SLC1A2: variants seen among roughly 807,000 people sequenced by gnomAD.
SLC1A2 encodes solute carrier family 1 member 2.
In SLC1A2, 15 loss-of-function variants were observed where a neutral mutation model predicts 48.8. That is an observed-to-expected ratio of 0.31 (90% confidence interval 0.21 to 0.47). SLC1A2 has a LOEUF of 0.47. Ranked by LOEUF, SLC1A2 falls within the 20% of genes least tolerant of loss-of-function variation. The pLI, the probability that SLC1A2 is intolerant of heterozygous loss-of-function variation, is 0.99. For missense variants in SLC1A2, 502 were observed against 730.5 expected (o/e 0.69, Z 3.61); for synonymous variants, 279 against 272.6 (o/e 1.02, Z -0.23).
chr11:35,402,244 C>A (rs994435563), intron 1 of SLC1A2, among the ~76,000 whole-genome samples: 2 of 152,132 alleles, frequency 1.3e-5, no homozygotes, highest in African/African-American at 2.4e-5. Context: ...AGGATTAGAA[C>A]TTTCAGTGCC....
At chr11:35,388,513 A>G (rs920438022) in intron 1 of SLC1A2, among the ~76,000 whole-genome samples, 4 of 152,130 alleles carry the variant, frequency 2.6e-5, no homozygotes, top group Admixed American at 6.6e-5. Context: ...TCCTGCCCCA[A>G]TCTCCAAGTA....
At position 35,253,420 on chromosome 11, in the gene SLC1A2, C is replaced by T. The variant is rs1214429525; in HGVS notation, c.*7474G>A. On this transcript the variant is annotated 3_prime_UTR_variant, in exon 11 of 11. Coordinates refer to ENST00000278379, the MANE Select transcript of SLC1A2 (RefSeq NM_004171.4). ...CTCAAAGTTTTCCTAAGCCAATTTC[C>T]ACATAAACCTTTAGGAATGTATGAA... The T allele has an allele frequency of 6.6e-6, 1 of 152,584 alleles. No individual in the cohort carries two copies. The highest frequency in any genetic ancestry group is 6.5e-5 in the Admixed American group (1 of 15,270). The allele number at this position is 152,584 out of a possible 1,614,324, so 9.5% of individuals were successfully genotyped here.
At chr11:35,390,050 T>C (rs1050134215) in intron 1 of SLC1A2, among the ~76,000 whole-genome samples, 1 of 152,258 alleles carries the variant, frequency 6.6e-6, no homozygotes, top group Non-Finnish European at 1.5e-5. Context: ...ATGGTCACTA[T>C]GACATTTAGC....
At chr11:35,265,848 T>G in intron 9 of SLC1A2, 90 bp from the exon 10 acceptor site, 1 of 760,644 alleles carries the variant, frequency 1.3e-6, no homozygotes, top group Non-Finnish European at 2.2e-6. Flanking sequence ...AGACATAGGG[T>G]TGAGTACTGG....
chr11:35,267,649 T>C (rs1410781452), intron 9 of SLC1A2, among the ~76,000 whole-genome samples: 2 of 152,206 alleles, frequency 1.3e-5, no homozygotes, highest in Non-Finnish European at 1.5e-5. Flanking sequence ...TTGTCCGTTA[T>C]ACAGTTGTGG....
At position 35,321,274 on chromosome 11, in the gene SLC1A2, G is replaced by A. The variant is rs1852057768; in HGVS notation, c.18-3758C>T. 2.0e-5 allele frequency among the ~76,000 whole-genome samples: 3 copies of A among 152,130 alleles called. No individual in the cohort carries two copies. The South Asian group carries it at 6.2e-4, about 32-fold the overall frequency. On this transcript the variant is annotated intron_variant, in intron 1 of 10. Transcript: ENST00000278379. ...TTATGGGAGCTCCAATTCAAGATGA[G>A]ATTTGGGTGGGAACACAGCCAAACC...
chr11:35,314,785 C>CTTT (rs5791048), intron 3 of SLC1A2, among the ~76,000 whole-genome samples: 7 of 141,042 alleles, frequency 5.0e-5, no homozygotes, highest in African/African-American at 1.3e-4. Flanking sequence ...CTTTTCTTTT[C>CTTT]TTTTTTTTTT....
chr11:35,388,593 C>T (rs1423885426), intron 1 of SLC1A2, among the ~76,000 whole-genome samples: 1 of 152,150 alleles, frequency 6.6e-6, no homozygotes, highest in Non-Finnish European at 1.5e-5. Flanking sequence ...CAAAGTCTCC[C>T]TATGTTGCCC....
chr11:35,297,844 G>A (rs1003842557), intron 6 of SLC1A2: 1 of 152,178 alleles, frequency 6.6e-6, no homozygotes, highest in Non-Finnish European at 1.5e-5. Context: ...ACAGTTCCCA[G>A]CACAAAGAAG....
chr11:35,404,070 C>G (rs958464067), intron 1 of SLC1A2, among the ~76,000 whole-genome samples: 1 of 151,874 alleles, frequency 6.6e-6, no homozygotes, highest in Non-Finnish European at 1.5e-5. Context: ...AATTTTGTTG[C>G]TTGCTTCCCA....
At chr11:35,302,001 CT>C (rs1391214453) in intron 5 of SLC1A2, among the ~76,000 whole-genome samples, 2 of 152,164 alleles carry the variant, frequency 1.3e-5, no homozygotes, top group African/African-American at 4.8e-5. Flanking sequence ...GAGGAAAAGC[CT>C]GTTGGGACTT....
intron 1 of SLC1A2, chr11:35,380,602 C>A (rs1854389452): frequency 7.6e-6 from 3 of 392,816 alleles, no homozygotes; most frequent in Non-Finnish European, 1.3e-5. Flanking sequence ...TTCTTCCAAT[C>A]AATTCTGTTC....
intron 1 of SLC1A2, among the ~76,000 whole-genome samples, chr11:35,393,894 T>C (rs1440316508): frequency 6.6e-6 from 1 of 152,180 alleles, no homozygotes; most frequent in African/African-American, 2.4e-5. Context: ...TCTTTCACCC[T>C]TTTCCTCTTC....
At chr11:35,275,883 A>C (rs536303590) in intron 9 of SLC1A2, among the ~76,000 whole-genome samples, 1 of 152,140 alleles carries the variant, frequency 6.6e-6, no homozygotes, top group East Asian at 1.9e-4. Flanking sequence ...CCACTTACAC[A>C]CTAATGAGCA....
chr11:35,314,798 T>TC (rs397741188), intron 3 of SLC1A2, among the ~76,000 whole-genome samples: 4 of 150,918 alleles, frequency 2.7e-5, no homozygotes, highest in African/African-American at 9.7e-5. Context: ...TTTTTTTTTT[T>TC]CTTTTTTTTG....
intron 1 of SLC1A2, among the ~76,000 whole-genome samples, chr11:35,388,507 G>T (rs959154960): frequency 5.3e-5 from 8 of 152,180 alleles, no homozygotes; most frequent in African/African-American, 1.9e-4. Flanking sequence ...CCATCCTCCT[G>T]CCCCAATCTC....
intron 1 of SLC1A2, among the ~76,000 whole-genome samples, chr11:35,414,569 G>A (rs1049883674): frequency 3.9e-5 from 6 of 152,112 alleles, no homozygotes; most frequent in Admixed American, 3.3e-4. Context: ...GCTCATGATC[G>A]TGGTAAATAA....
At chr11:35,415,527 A>T (rs1855579099) in intron 1 of SLC1A2, among the ~76,000 whole-genome samples, 1 of 152,204 alleles carries the variant, frequency 6.6e-6, no homozygotes, top group Non-Finnish European at 1.5e-5. Flanking sequence ...TAAGCCCCAC[A>T]TCCTTCACTC....
chr11:35,404,308 G>C (rs1048179310), intron 1 of SLC1A2: 2 of 152,210 alleles, frequency 1.3e-5, no homozygotes, highest in Admixed American at 6.5e-5. Context: ...AAAAAACCAG[G>C]CTGAACATAC....
Sources: gnomAD v4.1 joint callset for allele counts (sites outside exome capture counted in the v4.1 genomes callset) on GRCh38, gnomAD v4.1.1 for gene constraint, MANE v1.5 for transcripts, NCBI Gene and HGNC (gene_info 2026-07-23, HGNC 2026-07-21) for gene names.